The following PPARGC1A variants were observed in gnomAD, a reference collection of about 807,000 sequenced individuals.
PPARGC1A encodes the protein PPARG coactivator 1 alpha.
Under a neutral mutation model 88.7 loss-of-function variants are expected in PPARGC1A, and 25 were observed. The ratio of observed to expected loss-of-function variants is 0.28; its 90% CI spans 0.21 to 0.39. The LOEUF (loss-of-function observed/expected upper bound fraction) is 0.39. PPARGC1A is among the 10% of genes least tolerant of loss of function. The pLI is 1.00. For synonymous variants in PPARGC1A, 363 were observed against 355.6 expected, an observed-to-expected ratio of 1.02 and a Z score of -0.24; for missense variants, 880 against 968.7, an observed-to-expected ratio of 0.91 and a Z score of 1.22.
At chr4:24,213,088 A>G in the PPARGC1A span, among the ~76,000 whole-genome samples, 2 of 151,744 alleles carry the variant, frequency 1.3e-5, no homozygotes, top group African/African-American at 4.8e-5. Context: ...CATGCTTCTA[A>G]TCTAGTCTTG....
At chr4:24,231,450 G>GGGT in the PPARGC1A span, among the ~76,000 whole-genome samples, 1 of 152,174 alleles carries the variant, frequency 6.6e-6, no homozygotes, top group African/African-American at 2.4e-5. Context: ...TCTTTCCTAA[G>GGGT]GGTCTCCAGT....
the PPARGC1A span, among the ~76,000 whole-genome samples, chr4:24,045,468 A>T: frequency 6.6e-6 from 1 of 152,122 alleles, no homozygotes; most frequent in Non-Finnish European, 1.5e-5. Context: ...GTCCAAAATC[A>T]AGGTGTCAGG....
intron 5 of PPARGC1A, among the ~76,000 whole-genome samples, chr4:23,826,749 C>T (rs1724022187): frequency 1.3e-5 from 2 of 152,054 alleles, no homozygotes; most frequent in African/African-American, 4.8e-5. Context: ...CTGGGGTGAG[C>T]GTTTTGTACC....
the PPARGC1A span, among the ~76,000 whole-genome samples, chr4:24,177,522 C>G: frequency 1.3e-5 from 2 of 151,578 alleles, no homozygotes; most frequent in Admixed American, 6.6e-5. Flanking sequence ...TGTTAAATGA[C>G]GAGTGACTGG....
the PPARGC1A span, among the ~76,000 whole-genome samples, chr4:23,990,095 A>ATAT: frequency 0.52 from 75,301 of 144,904 alleles, 19,937 homozygotes; most frequent in East Asian, 0.69. Context: ...TATATATTAC[A>ATAT]TATTAATTAT....
chr4:23,953,259 C>G, the PPARGC1A span, among the ~76,000 whole-genome samples: 1 of 152,060 alleles, frequency 6.6e-6, no homozygotes, highest in Non-Finnish European at 1.5e-5. Context: ...GTTTGGTCAA[C>G]TAAGATTTTT....
At chr4:24,299,079 A>C in the PPARGC1A span, among the ~76,000 whole-genome samples, 1 of 152,150 alleles carries the variant, frequency 6.6e-6, no homozygotes, top group Non-Finnish European at 1.5e-5. Flanking sequence ...GAAGGGGATA[A>C]AATATTTTAT....
the PPARGC1A span, among the ~76,000 whole-genome samples, chr4:24,459,579 C>G: frequency 6.6e-6 from 1 of 152,060 alleles, no homozygotes; most frequent in Non-Finnish European, 1.5e-5. Context: ...AGCTTGAGCT[C>G]AGGAGTTCGA....
At chr4:24,023,708 A>G in the PPARGC1A span, among the ~76,000 whole-genome samples, 3 of 152,194 alleles carry the variant, frequency 2.0e-5, no homozygotes, top group East Asian at 3.8e-4. Context: ...TTGAGCTCCT[A>G]TTCTAGCCAG....
the PPARGC1A span, among the ~76,000 whole-genome samples, chr4:24,345,811 A>G: frequency 2.2e-3 from 333 of 152,258 alleles, no homozygotes; most frequent in Non-Finnish European, 4.0e-3. Context: ...GACTTCCAGT[A>G]CTATGTTGAA....
chr4:24,311,800 C>G, the PPARGC1A span, among the ~76,000 whole-genome samples: 2 of 151,644 alleles, frequency 1.3e-5, no homozygotes, highest in Admixed American at 1.3e-4. Flanking sequence ...GTCTCGGTGC[C>G]ATGTGGAACA....
At chr4:24,288,005 C>T in the PPARGC1A span, among the ~76,000 whole-genome samples, 1 of 152,268 alleles carries the variant, frequency 6.6e-6, no homozygotes, top group African/African-American at 2.4e-5. Flanking sequence ...CCCTCCCCCT[C>T]ACCCACCCTG....
the PPARGC1A span, among the ~76,000 whole-genome samples, chr4:23,922,585 G>A: frequency 1.3e-5 from 2 of 152,192 alleles, no homozygotes; most frequent in East Asian, 1.9e-4. Flanking sequence ...GTAGTATGGG[G>A]TAAGGCTTTA....
the PPARGC1A span, among the ~76,000 whole-genome samples, chr4:24,387,842 G>A: frequency 1.4e-3 from 163 of 117,316 alleles, 2 homozygotes; most frequent in East Asian, 2.4e-3. Flanking sequence ...GAGAGAAAGA[G>A]AGAGAGAAAG....
chr4:24,259,148 T>G, the PPARGC1A span, among the ~76,000 whole-genome samples: 42,169 of 152,012 alleles, frequency 0.28, 6,190 homozygotes, highest in East Asian at 0.44. Flanking sequence ...GGGTTCTGTG[T>G]ATGAGCCATA....
chr4:23,987,145 T>C, the PPARGC1A span, among the ~76,000 whole-genome samples: 126,171 of 151,888 alleles, frequency 0.83, 52,529 homozygotes, highest in Non-Finnish European at 0.84. Context: ...GGCAGAAATA[T>C]CAAGTCAAAG....
At chr4:24,134,286 C>A in the PPARGC1A span, among the ~76,000 whole-genome samples, 1 of 152,232 alleles carries the variant, frequency 6.6e-6, no homozygotes, top group Admixed American at 6.5e-5. Context: ...TCCCTGCCCT[C>A]ACGTTACTGA....
At chr4:24,318,757 C>T in the PPARGC1A span, among the ~76,000 whole-genome samples, 11 of 152,124 alleles carry the variant, frequency 7.2e-5, no homozygotes, top group Non-Finnish European at 1.2e-4. Flanking sequence ...ATAAAGCCAA[C>T]GATGTATAAT....
chr4:23,934,922 A>G, the PPARGC1A span, among the ~76,000 whole-genome samples: 1 of 152,152 alleles, frequency 6.6e-6, no homozygotes, highest in African/African-American at 2.4e-5. Context: ...GGAATATCCC[A>G]CCAGATCTTG....
Sources: allele counts gnomAD v4.1 joint callset (sites outside exome capture counted in the v4.1 genomes callset), GRCh38; gene constraint gnomAD v4.1.1; transcripts MANE v1.5; gene names NCBI Gene and HGNC (gene_info 2026-07-23, HGNC 2026-07-21).